Variants in MNS1 observed in about 807,000 individuals in gnomAD.
MNS1 encodes meiosis specific nuclear structural 1.
MNS1 carries 63 observed loss-of-function variants against 72.0 expected under a neutral mutation model. That is an observed-to-expected ratio of 0.87 (90% CI 0.71 to 1.08). The LOEUF (loss-of-function observed/expected upper bound fraction) is 1.08. Ranked by LOEUF, MNS1 falls within the 50% of genes least tolerant of loss-of-function variation. The pLI is 0.00. For synonymous variants in MNS1, 188 were observed against 172.1 expected, an observed-to-expected ratio of 1.09 and a Z score of -0.72; for missense variants, 604 against 562.4, an observed-to-expected ratio of 1.07 and a Z score of -0.75.
Position 56,443,782 on chromosome 15 carries a change from A to C in MNS1, c.759T>G (p.Ala253=), listed in dbSNP as rs147361221. 8.4e-4 allele frequency: 1,357 copies of C among 1,612,630 alleles called. No homozygotes were observed. Among genetic ancestry groups the C allele is most frequent in the Non-Finnish European group, 1.1e-3 (1,308 of 1,179,550 alleles). The change falls in exon 6 of 10, where the codon GCT becomes GCG. Residue 253 remains alanine (A), a synonymous_variant. Coordinates refer to ENST00000260453, the MANE Select transcript of MNS1 (RefSeq NM_018365.4). Reference sequence around the variant, plus strand: ...CCTCACGTTTCTTTTTTCTCCAGAGAGCCTGCTCTTTCTGAAACTCTTCTA... The same window carrying C: ...CCTCACGTTTCTTTTTTCTCCAGAGCGCCTGCTCTTTCTGAAACTCTTCTA... ...RYIEEFQKEQ[A]LWRKKKREEM...
chr15:56,436,855 G>A (rs2050734937), intron 7 of MNS1, among the ~76,000 whole-genome samples: 1 of 152,158 alleles, frequency 6.6e-6, no homozygotes, highest in Admixed American at 6.6e-5. Context: ...AAATCTAGAA[G>A]AAATGGATAA....
chr15:56,452,737 C>G (rs569871407), intron 3 of MNS1, among the ~76,000 whole-genome samples: 4 of 152,146 alleles, frequency 2.6e-5, no homozygotes, highest in Non-Finnish European at 4.4e-5. Flanking sequence ...CCAGGATGGT[C>G]TCGATCTCCT....
intron 2 of MNS1, among the ~76,000 whole-genome samples, chr15:56,460,011 TAC>T (rs1208737477): frequency 0.15 from 4,047 of 26,974 alleles, 588 homozygotes; most frequent in Non-Finnish European, 0.16. Context: ...AAAAAAAAAA[TAC>T]ATATATATAT....
intron 7 of MNS1, among the ~76,000 whole-genome samples, chr15:56,440,088 G>A (rs532506162): frequency 1.4e-4 from 21 of 152,196 alleles, no homozygotes; most frequent in Non-Finnish European, 2.8e-4. Flanking sequence ...AACCCAATTA[G>A]AGAATCAGCA....
chr15:56,429,130 G>A lies in MNS1; in HGVS notation c.1459C>T (p.Gln487Ter). 3 of 1,600,228 alleles carry A rather than the reference G, an allele frequency of 1.9e-6. No homozygotes were observed. Among genetic ancestry groups the A allele is most frequent in the Non-Finnish European group, 2.6e-6 (3 of 1,174,230 alleles). ...LGEEFRKVYQ[Q>*]RSEICEEK ...TTCTCTTCACAAATTTCACTCCTTT[G>A]TTGATATACTTTCCTGAACTCTTCA... Residue 487 changes from glutamine to a stop codon, truncating the protein, a stop_gained, in exon 10 of 10, where the codon CAA (glutamine) becomes TAA (stop). Transcript: ENST00000260453. LOFTEE classifies it high-confidence loss of function.
chr15:56,457,816 A>G (rs1256678251), intron 2 of MNS1, among the ~76,000 whole-genome samples: 2 of 143,142 alleles, frequency 1.4e-5, no homozygotes, highest in Non-Finnish European at 3.1e-5. Flanking sequence ...CCTGTCTCTT[A>G]AAAAAAAAAA....
At chr15:56,457,414 A>C (rs1265435108) in intron 2 of MNS1, among the ~76,000 whole-genome samples, 3 of 152,362 alleles carry the variant, frequency 2.0e-5, no homozygotes, top group African/African-American at 7.2e-5. Context: ...GGAATGGCTA[A>C]AACAAAAAAC....
At chr15:56,443,175 G>A (rs755856898) in intron 7 of MNS1, among the ~76,000 whole-genome samples, 1 of 152,106 alleles carries the variant, frequency 6.6e-6, no homozygotes, top group East Asian at 1.9e-4. Flanking sequence ...TGCTTTTAAA[G>A]TATGTATCTT....
chr15:56,451,895 A>T (rs1318783892), intron 3 of MNS1, among the ~76,000 whole-genome samples: 1 of 152,156 alleles, frequency 6.6e-6, no homozygotes, highest in Admixed American at 6.6e-5. Context: ...TTTATTACTT[A>T]CGTCTAGTTT....
chr15:56,437,629 G>GAGAA (rs767517044), intron 7 of MNS1, among the ~76,000 whole-genome samples: 1 of 152,158 alleles, frequency 6.6e-6, no homozygotes, highest in Non-Finnish European at 1.5e-5. Context: ...AGTCAGGCAG[G>GAGAA]AGAAAGAAAG....
At chr15:56,443,343 G>T in intron 7 of MNS1, 87 bp downstream of exon 7, 3 of 960,536 alleles carry the variant, frequency 3.1e-6, no homozygotes, top group Non-Finnish European at 4.4e-6. Context: ...CAGTATGGTT[G>T]GATTTAAATG....
At chr15:56,438,155 C>A (rs777352487) in intron 7 of MNS1, among the ~76,000 whole-genome samples, 39 of 152,114 alleles carry the variant, frequency 2.6e-4, no homozygotes, top group Non-Finnish European at 2.9e-4. Flanking sequence ...GCCACATTGC[C>A]AAGACAATCC....
chr15:56,459,993 A>AG (rs2140381416), intron 2 of MNS1, among the ~76,000 whole-genome samples: 1 of 33,496 alleles, frequency 3.0e-5, no homozygotes, highest in Admixed American at 4.0e-4. Flanking sequence ...TCTGTCTCAA[A>AG]AAAAAAAAAA....
chr15:56,429,363 A>C, intron 9 of MNS1, 170 bp from the exon 10 acceptor site: 1 of 545,554 alleles, frequency 1.8e-6, no homozygotes, highest in Non-Finnish European at 3.2e-6. Context: ...ATAAGACTTT[A>C]CATATATATT....
chr15:56,431,339 A>G (rs1216581958), intron 9 of MNS1, 34 bp downstream of exon 9: 2 of 1,604,720 alleles, frequency 1.2e-6, no homozygotes, highest in Admixed American at 1.7e-5. Flanking sequence ...ATTACAGGTC[A>G]TGAAGATTAC....
chr15:56,434,273 A>C lies in MNS1; in HGVS notation c.1134T>G (p.Thr378=). The C allele has an allele frequency of 1.9e-6, 3 of 1,613,950 alleles. No homozygotes were observed. The highest frequency in any genetic ancestry group is 2.5e-6 in the Non-Finnish European group (3 of 1,179,928). Residue 378 remains threonine, a synonymous_variant, in exon 8 of 10, where the codon ACT becomes ACG. Transcript: ENST00000260453. ...AKEEEENFRK[T]MLAKFAEDDR... ...CATCCTCAGCAAATTTAGCTAGCAT[A>C]GTTTTTCTAAAGTTCTCCTCTTCCT... is the stretch of plus-strand genomic sequence containing the variant.
Position 56,447,336 on chromosome 15 carries a change from C to G in MNS1, c.354-393G>C, listed in dbSNP as rs559449337. 7.6e-5 allele frequency: 12 copies of G among 157,544 alleles called. No individual in the cohort carries two copies. In the South Asian group the frequency reaches 1.3e-3, roughly 17 times the overall value. 9.8% of individuals were successfully genotyped at this position (157,544 alleles called of 1,614,324 possible). A position where few individuals can be genotyped will look rare whatever the true frequency, so the allele number is the denominator to read the frequency against. ...ATTTTAGAATCAGCTTGTCAGACTT[C>G]ACAATAAACAAAACTGGCTGTGATA... On this transcript the variant is annotated intron_variant, in intron 3 of 9. Coordinates refer to ENST00000260453, the MANE Select transcript of MNS1 (RefSeq NM_018365.4).
intron 2 of MNS1, among the ~76,000 whole-genome samples, chr15:56,461,546 A>G (rs1660928558): frequency 6.6e-6 from 1 of 151,210 alleles, no homozygotes; most frequent in Non-Finnish European, 1.5e-5. Flanking sequence ...CTGTAATCTC[A>G]GCTACTTGGG....
At chr15:56,431,620 A>G (rs1055803046) in intron 8 of MNS1, 122 bp from the exon 9 acceptor site, 2 of 795,086 alleles carry the variant, frequency 2.5e-6, no homozygotes, top group Non-Finnish European at 3.8e-6. Flanking sequence ...CACTAAGTTC[A>G]AAAGATTCTA....
Sources: gnomAD v4.1 joint callset for allele counts (sites outside exome capture counted in the v4.1 genomes callset) on GRCh38, gnomAD v4.1.1 for gene constraint, MANE v1.5 for transcripts, NCBI Gene and HGNC (gene_info 2026-07-23, HGNC 2026-07-21) for gene names.